Variants in FAM78A observed in about 807,000 individuals in gnomAD.
The protein encoded by FAM78A is family with sequence similarity 78 member A.
In FAM78A, 12 loss-of-function variants were observed where a neutral mutation model predicts 22.6. The ratio of observed to expected loss-of-function variants is 0.53; its 90% CI spans 0.34 to 0.86. FAM78A has a LOEUF of 0.86. FAM78A is among the 40% of genes least tolerant of loss of function. The pLI is 0.02. For missense variants in FAM78A, 322 were observed against 396.1 expected (o/e 0.81, Z 1.59); for synonymous variants, 151 against 155.8 (o/e 0.97, Z 0.23).
upstream of FAM78A, among the ~76,000 whole-genome samples, chr9:131,280,590 G>T (rs1564241523): frequency 6.6e-6 from 1 of 152,208 alleles, no homozygotes; most frequent in Admixed American, 6.5e-5. Flanking sequence ...ACCCGGGATG[G>T]TGAACACTGG....
rs116024762 is a variant in FAM78A at position 131,260,668 on chromosome 9, G to A, written c.*154C>T. ...TGAAAGGAAGCAGGTGCCGAGAGCC[G>A]GGGAGGCCTTCCCGGGGGCATCAGC... On this transcript the variant is annotated 3_prime_UTR_variant, in exon 2 of 2. Transcript: ENST00000372271. The surrounding 1 kb of genome is among the most constrained non-coding windows in gnomAD (Gnocchi z 5.4). 3,255 of 857,820 alleles carry A rather than the reference G, an allele frequency of 3.8e-3. 79 individuals are homozygous for A. In the African/African-American group the frequency reaches 0.051, roughly 13 times the overall value. 53.1% of individuals were successfully genotyped at this position (857,820 alleles called of 1,614,324 possible).
At position 131,268,925 on chromosome 9, in the gene FAM78A, C is replaced by T. The variant is rs533998207; in HGVS notation, c.323+6932G>A. On this transcript the variant is annotated intron_variant, in intron 1 of 1. Coordinates refer to ENST00000372271, the MANE Select transcript of FAM78A (RefSeq NM_033387.4). ...AAAAAAGAAGTGCTCTTAGGCCGAG[C>T]GCGGTGGCTCATGCCTGTAATCCCA... Among the ~76,000 whole-genome samples, 15 of 149,140 alleles carry T rather than the reference C, an allele frequency of 1.0e-4. No homozygotes were observed. The South Asian group carries it at 2.8e-3, about 27-fold the overall frequency.
At chr9:131,279,719 G>A (rs528467397), upstream of FAM78A, among the ~76,000 whole-genome samples, 13 of 152,244 alleles carry the variant, frequency 8.5e-5, no homozygotes, top group African/African-American at 2.6e-4. Flanking sequence ...CCTGGGCTCC[G>A]CCTGGGTTTG....
chr9:131,279,001 A>G (rs1010531920), upstream of FAM78A, among the ~76,000 whole-genome samples: 1 of 152,224 alleles, frequency 6.6e-6, no homozygotes, highest in Non-Finnish European at 1.5e-5. Flanking sequence ...TCACAGCAGC[A>G]CCGGCTCAGC....
chr9:131,264,550 G>C (rs966029054), intron 1 of FAM78A: 1 of 714,860 alleles, frequency 1.4e-6, no homozygotes, highest in Non-Finnish European at 2.6e-6. Context: ...CTGCCTGCCC[G>C]GTTTTTGTGA....
At position 131,261,664 on chromosome 9, in the gene FAM78A, T is replaced by C. The variant is rs1835272053; in HGVS notation, c.324-314A>G. ...GCATCTGGGAGCCCACCCCAGACTGTAGGGGCCCCTTACTTTAACATTACA... is the reference window on the plus strand; with the variant it reads ...GCATCTGGGAGCCCACCCCAGACTGCAGGGGCCCCTTACTTTAACATTACA... On this transcript the variant is annotated intron_variant, in intron 1 of 1. Coordinates refer to ENST00000372271, the MANE Select transcript of FAM78A (RefSeq NM_033387.4). This position sits in a 1 kb window ranked among gnomAD's most constrained non-coding sequence, Gnocchi z 7.1. 6.6e-6 allele frequency among the ~76,000 whole-genome samples: 1 copy of C among 152,118 alleles called. No individual in the cohort carries two copies. Among genetic ancestry groups the C allele is most frequent in the South Asian group, 2.1e-4 (1 of 4,822 alleles).
upstream of FAM78A, among the ~76,000 whole-genome samples, chr9:131,279,652 C>G (rs774580634): frequency 6.6e-6 from 1 of 152,212 alleles, no homozygotes; most frequent in Non-Finnish European, 1.5e-5. Context: ...AGGTGATTTC[C>G]CGGGGGTGGG....
upstream of FAM78A, among the ~76,000 whole-genome samples, chr9:131,278,361 G>T (rs1291284704): frequency 2.6e-5 from 4 of 152,168 alleles, no homozygotes; most frequent in Admixed American, 2.0e-4. Flanking sequence ...CCCTTGCCCT[G>T]GGGTTCCTGA....
upstream of FAM78A, among the ~76,000 whole-genome samples, chr9:131,277,373 C>T (rs1281808563): frequency 6.6e-6 from 1 of 152,002 alleles, no homozygotes; most frequent in Non-Finnish European, 1.5e-5. This position sits in a 1 kb window ranked among gnomAD's most constrained non-coding sequence, Gnocchi z 8.4. Context: ...ACCCCTTTCC[C>T]GGCTGGGGTC....
At chr9:131,262,077 A>G (rs1292661628) in intron 1 of FAM78A, among the ~76,000 whole-genome samples, 1 of 151,806 alleles carries the variant, frequency 6.6e-6, no homozygotes, top group Non-Finnish European at 1.5e-5. Flanking sequence ...AAATACAAAA[A>G]TTCACTTTGG....
chr9:131,277,873 G>T (rs1020201292), upstream of FAM78A, among the ~76,000 whole-genome samples: 3 of 151,196 alleles, frequency 2.0e-5, no homozygotes, highest in East Asian at 5.9e-4. This position sits in a 1 kb window ranked among gnomAD's most constrained non-coding sequence, Gnocchi z 8.4. Context: ...GCCCCGCGCT[G>T]CCTCGCTCTG....
At position 131,261,278 on chromosome 9, in the gene FAM78A, G is replaced by A. The variant is rs1022345578; in HGVS notation, c.396C>T (p.Tyr132=). ...TCTCTGTGGTGTTGCCGTACCAGGG[G>A]TAGTTCACCCCATCCGAGTCGCTGA... is the stretch of plus-strand genomic sequence containing the variant. ...QAISDSDGVN[Y]PWYGNTTETC... The change falls in exon 2 of 2, where the codon TAC becomes TAT. Residue 132 remains tyrosine, a synonymous_variant. Transcript: ENST00000372271. This position sits in a 1 kb window ranked among gnomAD's most constrained non-coding sequence, Gnocchi z 7.1. 1 of 1,608,886 alleles carries A rather than the reference G, an allele frequency of 6.2e-7. No homozygotes were observed. Among genetic ancestry groups the A allele is most frequent in the Non-Finnish European group, 8.5e-7 (1 of 1,179,444 alleles).
chr9:131,264,709 C>G, intron 1 of FAM78A: 1 of 667,334 alleles, frequency 1.5e-6, no homozygotes, highest in Non-Finnish European at 2.7e-6. Context: ...CTAATTTGAC[C>G]TGAAGCCTTT....
At position 131,261,009 on chromosome 9, in the gene FAM78A, T is replaced by G. The variant is rs1835258655; in HGVS notation, c.665A>C (p.Asn222Thr). ...RMQLSIEVNPNRPLGQRARLR... is the reference protein window; with the variant it reads ...RMQLSIEVNPTRPLGQRARLR... ...CCGGGCGCGCTGGCCCAGGGGCCGG[T>G]TGGGGTTCACCTCGATGCTGAGCTG... The change falls in exon 2 of 2, where the codon AAC (asparagine) becomes ACC (threonine). Residue 222 changes from asparagine (N) to threonine (T), a missense_variant. Transcript: ENST00000372271. This position sits in a 1 kb window ranked among gnomAD's most constrained non-coding sequence, Gnocchi z 7.1. 1.2e-6 allele frequency: 2 copies of G among 1,613,694 alleles called. No individual in the cohort carries two copies. Among genetic ancestry groups the G allele is most frequent in the Non-Finnish European group, 1.7e-6 (2 of 1,179,914 alleles).
intron 1 of FAM78A, among the ~76,000 whole-genome samples, chr9:131,268,748 C>T (rs1835378109): frequency 6.6e-6 from 1 of 152,100 alleles, no homozygotes; most frequent in African/African-American, 2.4e-5. Context: ...AAAAAATTAG[C>T]CGGGCATGGT....
intron 1 of FAM78A, chr9:131,270,645 C>G (rs548054739): frequency 1.5e-6 from 1 of 653,732 alleles, no homozygotes; most frequent in Non-Finnish European, 2.9e-6. Flanking sequence ...CGCCAGGGCC[C>G]AGCAGATGGG....
intron 1 of FAM78A, chr9:131,264,559 G>C (rs1239904365): frequency 5.6e-6 from 4 of 715,952 alleles, no homozygotes; most frequent in African/African-American, 1.7e-5. Flanking sequence ...CGGTTTTTGT[G>C]ATGATTAAAT....
chr9:131,270,910 G>A (rs1196026625), intron 1 of FAM78A, among the ~76,000 whole-genome samples: 2 of 152,140 alleles, frequency 1.3e-5, no homozygotes, highest in Non-Finnish European at 2.9e-5. Context: ...AGGTGGGAAG[G>A]CGCCCGAGGC....
chr9:131,260,745 G>A lies in FAM78A; in HGVS notation c.*77C>T. 6.8e-7 allele frequency: 1 copy of A among 1,469,190 alleles called. No individual in the cohort carries two copies. Among genetic ancestry groups the A allele is most frequent in the South Asian group, 1.4e-5 (1 of 72,846 alleles). The allele number at this position is 1,469,190 out of a possible 1,614,324, so 91.0% of individuals were successfully genotyped here. ...GTAGAATGGTTGTATCTTGCTGAAT[G>A]ACTGAAGAGTGAGTCTGAGTTTTGT... On this transcript the variant is annotated 3_prime_UTR_variant, in exon 2 of 2. Coordinates refer to ENST00000372271, the MANE Select transcript of FAM78A (RefSeq NM_033387.4). This position sits in a 1 kb window ranked among gnomAD's most constrained non-coding sequence, Gnocchi z 5.4.
Sources: gnomAD v4.1 joint callset for allele counts (sites outside exome capture counted in the v4.1 genomes callset) on GRCh38, gnomAD v4.1.1 for gene constraint, Gnocchi (gnomAD v3.1) non-coding constraint, MANE v1.5 for transcripts, NCBI Gene and HGNC (gene_info 2026-07-23, HGNC 2026-07-21) for gene names.